Variants in NRXN3 observed in about 807,000 individuals in gnomAD.
NRXN3 encodes the protein neurexin III.
NRXN3 carries 32 observed loss-of-function variants against 137.6 expected under a neutral mutation model. That is an observed-to-expected ratio of 0.23 (90% CI 0.18 to 0.31). NRXN3 has a LOEUF of 0.31. NRXN3 is among the 10% of genes least tolerant of loss of function. The pLI is 1.00. For missense variants in NRXN3, 1,574 were observed against 2,062.5 expected (o/e 0.76, Z 4.59); for synonymous variants, 798 against 784.5 (o/e 1.02, Z -0.29).
At chr14:79,248,024 A>G (rs2075435781) in intron 15 of NRXN3, among the ~76,000 whole-genome samples, 1 of 152,172 alleles carries the variant, frequency 6.6e-6, no homozygotes, top group South Asian at 2.1e-4. Flanking sequence ...ACTGGTGGGC[A>G]CCAGTACGAT....
rs534588267 is a variant in NRXN3 at position 78,926,959 on chromosome 14, TA to T, written c.2276-30282del. On this transcript the variant is annotated intron_variant, in intron 10 of 20. Transcript: ENST00000335750. ...TTATATATATATATAATATATATAA[TA>T]TATATATAATATATAATATATTTTT... Among the ~76,000 whole-genome samples the T allele has an allele frequency of 7.6e-5, 3 of 39,428 alleles. 1 individual carries two copies. Among genetic ancestry groups the T allele is most frequent in the Non-Finnish European group, 1.1e-4 (3 of 26,416 alleles). 25.9% of individuals were successfully genotyped at this position (39,428 alleles called of 152,430 possible).
intron 10 of NRXN3, among the ~76,000 whole-genome samples, chr14:78,871,716 C>G (rs2099101766): frequency 6.6e-6 from 1 of 152,014 alleles, no homozygotes; most frequent in South Asian, 2.1e-4. Context: ...CTTGGACATC[C>G]AGTCTCTATT....
intron 15 of NRXN3, among the ~76,000 whole-genome samples, chr14:79,149,475 GA>G (rs1183738010): frequency 5.3e-5 from 8 of 151,956 alleles, no homozygotes; most frequent in African/African-American, 1.9e-4. Context: ...GTATCTTTCA[GA>G]AAAAATCAAG....
intron 8 of NRXN3, among the ~76,000 whole-genome samples, chr14:78,715,649 G>C (rs992998763): frequency 6.6e-6 from 1 of 152,140 alleles, no homozygotes; most frequent in African/African-American, 2.4e-5. Flanking sequence ...TGATGTATTA[G>C]TTAAGAACAT....
At chr14:79,526,755 G>C (rs2097124186) in intron 16 of NRXN3, among the ~76,000 whole-genome samples, 1 of 152,164 alleles carries the variant, frequency 6.6e-6, no homozygotes, top group Admixed American at 6.5e-5. Flanking sequence ...ACAATGTACA[G>C]CTAGAAACGC....
chr14:79,136,595 T>A (rs2058249750), intron 15 of NRXN3, among the ~76,000 whole-genome samples: 1 of 152,174 alleles, frequency 6.6e-6, no homozygotes, highest in Admixed American at 6.5e-5. Flanking sequence ...CACAAATTCA[T>A]TACATTCACA....
At chr14:79,015,274 C>T (rs145301038) in intron 15 of NRXN3, among the ~76,000 whole-genome samples, 305 of 152,230 alleles carry the variant, frequency 2.0e-3, no homozygotes, top group African/African-American at 7.0e-3. Context: ...CCTGAGCAAA[C>T]GGTTTAACCT....
At chr14:79,410,013 G>A (rs114603272) in intron 15 of NRXN3, among the ~76,000 whole-genome samples, 5,041 of 151,518 alleles carry the variant, frequency 0.033, 290 homozygotes, top group African/African-American at 0.12. Context: ...CTACAAAATG[G>A]CCATATTTAT....
chr14:78,816,795 C>T lies in NRXN3; in HGVS notation c.2275+6451C>T, dbSNP rs2098934908. Among the ~76,000 whole-genome samples the T allele has an allele frequency of 2.0e-5, 3 of 152,118 alleles. No homozygotes were observed. In the South Asian group the frequency reaches 6.2e-4, roughly 32 times the overall value. On this transcript the variant is annotated intron_variant, in intron 10 of 20. Transcript: ENST00000335750. ...CCAGCAATATATGTGTTTGCTTCTC[C>T]TCACTCTTGTAACACACATCATATT...
intron 4 of NRXN3, among the ~76,000 whole-genome samples, chr14:78,562,904 A>T (rs1226238602): frequency 6.6e-6 from 1 of 152,200 alleles, no homozygotes; most frequent in African/African-American, 2.4e-5. Context: ...TAACGATCCT[A>T]AGTAATTTTT....
chr14:78,740,391 T>TC (rs1440691318), intron 8 of NRXN3, among the ~76,000 whole-genome samples: 1 of 151,696 alleles, frequency 6.6e-6, no homozygotes, highest in South Asian at 2.1e-4. Context: ...TCCTTTTTTT[T>TC]TTCTGCCACA....
At chr14:78,347,486 A>G (rs894451237) in intron 4 of NRXN3, among the ~76,000 whole-genome samples, 9 of 152,196 alleles carry the variant, frequency 5.9e-5, no homozygotes, top group African/African-American at 1.9e-4. Flanking sequence ...GACAATGTAT[A>G]CTTTCTAAGC....
At chr14:78,724,543 G>T (rs2098474471) in intron 8 of NRXN3, among the ~76,000 whole-genome samples, 1 of 152,162 alleles carries the variant, frequency 6.6e-6, no homozygotes, top group Admixed American at 6.5e-5. Context: ...GTGGTCAATA[G>T]AATAGAATAG....
chr14:79,200,318 C>G (rs2065792291), intron 15 of NRXN3, among the ~76,000 whole-genome samples: 1 of 152,108 alleles, frequency 6.6e-6, no homozygotes, highest in Non-Finnish European at 1.5e-5. Flanking sequence ...GGATGATACT[C>G]TACAGAAAAG....
chr14:79,091,852 A>C (rs1172375170), intron 15 of NRXN3, among the ~76,000 whole-genome samples: 1 of 150,902 alleles, frequency 6.6e-6, no homozygotes, highest in African/African-American at 2.4e-5. Flanking sequence ...TCTGGGGACA[A>C]AAAAAAAATC....
At position 79,405,035 on chromosome 14, in the gene NRXN3, C is replaced by T. The variant is rs1197015784; in HGVS notation, c.3263-62186C>T. 5.9e-5 allele frequency among the ~76,000 whole-genome samples: 9 copies of T among 152,244 alleles called. No homozygotes were observed. In the East Asian group the frequency reaches 1.6e-3, roughly 26 times the overall value. On this transcript the variant is annotated intron_variant, in intron 15 of 20. Transcript: ENST00000335750. ...AGTTCATAGCAATTTCCCCAGGAGA[C>T]TGTATCATATTCCAGTGAAGGGGAG...
intron 15 of NRXN3, among the ~76,000 whole-genome samples, chr14:79,222,638 C>T (rs2069991458): frequency 6.6e-6 from 1 of 152,116 alleles, no homozygotes; most frequent in South Asian, 2.1e-4. Context: ...TTTGCATTCC[C>T]ACAATCTATA....
chr14:78,461,074 C>T (rs2094908926), intron 4 of NRXN3, among the ~76,000 whole-genome samples: 1 of 152,156 alleles, frequency 6.6e-6, no homozygotes, highest in African/African-American at 2.4e-5. Flanking sequence ...ATTGTCAAAT[C>T]CCTAATAACA....
intron 15 of NRXN3, among the ~76,000 whole-genome samples, chr14:79,448,516 A>C (rs926170584): frequency 1.9e-4 from 29 of 152,244 alleles, no homozygotes; most frequent in Non-Finnish European, 2.9e-5. Context: ...GAAGGAGCAT[A>C]ATAAATATTT....
Sources: allele counts gnomAD v4.1 joint callset (sites outside exome capture counted in the v4.1 genomes callset), GRCh38; gene constraint gnomAD v4.1.1; transcripts MANE v1.5; gene names NCBI Gene and HGNC (gene_info 2026-07-23, HGNC 2026-07-21).